GOLGB1: variants seen among roughly 807,000 people sequenced by gnomAD.
The protein encoded by GOLGB1 is golgin subfamily B member 1.
In GOLGB1, 174 loss-of-function variants were observed where a neutral mutation model predicts 336.9. The ratio of observed to expected loss-of-function variants is 0.52; its 90% confidence interval spans 0.46 to 0.59. The LOEUF (loss-of-function observed/expected upper bound fraction) is 0.59. GOLGB1 is among the 20% of genes least tolerant of loss of function. The probability of loss-of-function intolerance (pLI) is 0.00; values close to 1 mark genes in which losing one functional copy is unlikely to be tolerated. For synonymous variants in GOLGB1, 1,208 were observed against 1,289.2 expected (o/e 0.94, Z 1.35); for missense variants, 3,331 against 3,645.3 (o/e 0.91, Z 2.22).
At chr3:121,747,341 A>ATATATGTGTATATACGTATATATG (rs772774001) in intron 1 of GOLGB1, among the ~76,000 whole-genome samples, 2 of 117,888 alleles carry the variant, frequency 1.7e-5, no homozygotes, top group African/African-American at 3.1e-5. Flanking sequence ...GTATATATGT[A>ATATATGTGTATATACGTATATATG]TATATATGTG....
intron 14 of GOLGB1, among the ~76,000 whole-genome samples, chr3:121,688,577 G>A (rs1490816046): frequency 6.6e-6 from 1 of 152,232 alleles, no homozygotes; most frequent in Non-Finnish European, 1.5e-5. Context: ...CTCCCAAAGT[G>A]CCGAGAGTGC....
chr3:121,748,334 ATAAT>A lies in GOLGB1; in HGVS notation c.-3+1294_-3+1297del, dbSNP rs1268297129. ...TTACAGTGGTAGTCATACACTATAA[ATAAT>A]TAAACACACAACATTTGGGGAGATG... On this transcript the variant is annotated intron_variant, in intron 1 of 21. Coordinates refer to ENST00000614479, the MANE Select transcript of GOLGB1 (RefSeq NM_001366282.2). 3.9e-5 allele frequency among the ~76,000 whole-genome samples: 6 copies of A among 152,378 alleles called. No individual in the cohort carries two copies. The East Asian group carries it at 1.2e-3, about 29-fold the overall frequency.
chr3:121,671,081 G>A (rs558787498), intron 17 of GOLGB1, among the ~76,000 whole-genome samples: 24 of 152,214 alleles, frequency 1.6e-4, no homozygotes, highest in African/African-American at 5.1e-4. Flanking sequence ...CTATGGCTGC[G>A]TTTGTGTTAC....
Position 121,692,366 on chromosome 3 carries a change from A to G in GOLGB1, c.6998T>C (p.Leu2333Ser), listed in dbSNP as rs756750567. The change falls in exon 14 of 22, where the codon TTA (leucine) becomes TCA (serine). Residue 2333 changes from leucine to serine, a missense_variant. Coordinates refer to ENST00000614479, the MANE Select transcript of GOLGB1 (RefSeq NM_001366282.2). ...TCCTTTTTGTTCCTTACATTTTTCTAAAGAGTTACTTAAATCAGTCAACTG... is the reference window on the plus strand; with the variant it reads ...TCCTTTTTGTTCCTTACATTTTTCTGAAGAGTTACTTAAATCAGTCAACTG... The part of the protein sequence containing the change: ...KDQLTDLSNS[L>S]EKCKEQKGNL... 6.9e-6 allele frequency: 11 copies of G among 1,605,060 alleles called. No individual in the cohort carries two copies. Among genetic ancestry groups the G allele is most frequent in the African/African-American group, 6.8e-5 (5 of 74,006 alleles).
At position 121,696,383 on chromosome 3, in the gene GOLGB1, T is replaced by C. The variant is rs765607955; in HGVS notation, c.4140A>G (p.Glu1380=). The C allele has an allele frequency of 6.2e-7, 1 of 1,614,170 alleles. No individual in the cohort carries two copies. The highest frequency in any genetic ancestry group is 1.1e-5 in the South Asian group (1 of 91,080). ...GGCCAGCAATTTGTAGTTGGCTGCTTTCCAATTTCTGCTGCAGGCTTTCGG... is the reference window on the plus strand; with the variant it reads ...GGCCAGCAATTTGTAGTTGGCTGCTCTCCAATTTCTGCTGCAGGCTTTCGG... ...VHAESLQQKL[E]SSQLQIAGLE... The change falls in exon 13 of 22, where the codon GAA becomes GAG. Residue 1380 remains glutamate, a synonymous_variant. Coordinates refer to ENST00000614479, the MANE Select transcript of GOLGB1 (RefSeq NM_001366282.2).
At chr3:121,680,670 C>T (rs539539337) in intron 15 of GOLGB1, among the ~76,000 whole-genome samples, 2 of 152,074 alleles carry the variant, frequency 1.3e-5, no homozygotes, top group Non-Finnish European at 2.9e-5. Flanking sequence ...AATTGGATTT[C>T]ATCAAAATTA....
chr3:121,693,683 A>C, intron 13 of GOLGB1, 58 bp downstream of exon 13: 7 of 1,210,864 alleles, frequency 5.8e-6, no homozygotes, highest in Non-Finnish European at 8.2e-6. Flanking sequence ...GAAATAGTTT[A>C]GAGACTTTCT....
Position 121,691,066 on chromosome 3 carries a change from A to G in GOLGB1, c.8298T>C (p.Tyr2766=). 2 of 1,614,020 alleles carry G rather than the reference A, an allele frequency of 1.2e-6. No homozygotes were observed. The highest frequency in any genetic ancestry group is 1.7e-6 in the Non-Finnish European group (2 of 1,179,948). Residue 2766 remains tyrosine (Y), a synonymous_variant, in exon 14 of 22, where the codon TAT becomes TAC. Coordinates refer to ENST00000614479, the MANE Select transcript of GOLGB1 (RefSeq NM_001366282.2). ...GTGCCAATTCCTTCAGACTGGCATCATATTTCCTTTTCAGTTCATCAAGTT... is the reference window on the plus strand; with the variant it reads ...GTGCCAATTCCTTCAGACTGGCATCGTATTTCCTTTTCAGTTCATCAAGTT... The part of the protein sequence containing the change: ...NEELDELKRK[Y]DASLKELAQL...
chr3:121,733,082 G>C (rs1256707167), intron 1 of GOLGB1, among the ~76,000 whole-genome samples: 1 of 152,020 alleles, frequency 6.6e-6, no homozygotes, highest in African/African-American at 2.4e-5. Context: ...CCAGCACTTT[G>C]GGAGGCCAGG....
intron 14 of GOLGB1, among the ~76,000 whole-genome samples, chr3:121,684,656 T>C (rs1319541101): frequency 6.6e-6 from 1 of 152,202 alleles, no homozygotes; most frequent in East Asian, 1.9e-4. Flanking sequence ...CTTCACAATT[T>C]TGAAGGGAAA....
rs1390226268 is a variant in GOLGB1, at chr3:121,695,047, C to T, written c.5476G>A (p.Ala1826Thr). Residue 1826 changes from alanine to threonine, a missense_variant, in exon 13 of 22, where the codon GCC becomes ACC. Physicochemically the swap from Ala to Thr is moderately conservative, Grantham distance 58. Coordinates refer to ENST00000614479, the MANE Select transcript of GOLGB1 (RefSeq NM_001366282.2). ...CSESVPSAKS[A>T]NPAVSKDFSS... Reference sequence around the variant, plus strand: ...AAATCCTTACTTACAGCAGGGTTGGCACTCTTCGCTGATGGAACCGATTCT... The same window carrying T: ...AAATCCTTACTTACAGCAGGGTTGGTACTCTTCGCTGATGGAACCGATTCT... The T allele has an allele frequency of 1.5e-5, 25 of 1,613,968 alleles. No individual in the cohort carries two copies. Among genetic ancestry groups the T allele is most frequent in the Non-Finnish European group, 2.1e-5 (25 of 1,179,996 alleles).
chr3:121,681,951 C>G (rs1422669143), intron 14 of GOLGB1, 86 bp from the exon 15 acceptor site: 2 of 834,902 alleles, frequency 2.4e-6, no homozygotes, highest in African/African-American at 1.7e-5. Context: ...ACTAAGTAGT[C>G]AGACACCACA....
At chr3:121,718,046 C>T (rs1207890161) in intron 8 of GOLGB1, among the ~76,000 whole-genome samples, 1 of 152,100 alleles carries the variant, frequency 6.6e-6, no homozygotes, top group African/African-American at 2.4e-5. Flanking sequence ...CATGTTGGTG[C>T]TCAGAAAATT....
chr3:121,668,217 A>G (rs1026672421), intron 18 of GOLGB1, 59 bp from the exon 19 acceptor site: 4 of 970,718 alleles, frequency 4.1e-6, no homozygotes, highest in South Asian at 2.9e-5. Flanking sequence ...AGTGTATTTG[A>G]GCAAAATGAG....
chr3:121,669,078 A>T, intron 18 of GOLGB1, 134 bp downstream of exon 18: 1 of 823,672 alleles, frequency 1.2e-6, no homozygotes, highest in Non-Finnish European at 1.9e-6. Flanking sequence ...CATCTCAATT[A>T]ACTCTTTCTT....
chr3:121,690,644 T>G, intron 14 of GOLGB1, 26 bp downstream of exon 14: 1 of 1,231,302 alleles, frequency 8.1e-7, no homozygotes, highest in Non-Finnish European at 1.1e-6. Flanking sequence ...CTTAAACAGA[T>G]CAGAAAGAAA....
intron 10 of GOLGB1, among the ~76,000 whole-genome samples, chr3:121,713,946 G>C (rs1216624677): frequency 6.6e-6 from 1 of 152,170 alleles, no homozygotes; most frequent in African/African-American, 2.4e-5. Context: ...ATAGACATTT[G>C]ATAAAGCAAA....
intron 15 of GOLGB1, among the ~76,000 whole-genome samples, chr3:121,680,744 G>A (rs552998584): frequency 2.0e-5 from 3 of 152,080 alleles, no homozygotes; most frequent in Admixed American, 6.6e-5. Flanking sequence ...TTTGCAAACC[G>A]CAAATCAAAC....
chr3:121,725,917 G>C (rs1266648505), intron 5 of GOLGB1, among the ~76,000 whole-genome samples: 1 of 151,648 alleles, frequency 6.6e-6, no homozygotes, highest in East Asian at 1.9e-4. Flanking sequence ...CTATCAGCAA[G>C]AAGACCCTCA....
Sources: gnomAD v4.1 joint callset for allele counts (sites outside exome capture counted in the v4.1 genomes callset) on GRCh38, gnomAD v4.1.1 for gene constraint, MANE v1.5 for transcripts, NCBI Gene and HGNC (gene_info 2026-07-23, HGNC 2026-07-21) for gene names.